ZDHHC14: variants seen among roughly 807,000 people sequenced by gnomAD.
ZDHHC14 encodes the protein palmitoyltransferase ZDHHC14.
In ZDHHC14, 16 loss-of-function variants were observed where a neutral mutation model predicts 47.7. The observed-to-expected ratio is 0.34, with a 90% CI of 0.23 to 0.51. The LOEUF (loss-of-function observed/expected upper bound fraction) is 0.51, where lower values mean the gene tolerates loss of function less well. Among genes scored for constraint, ZDHHC14 ranks in the 20% least tolerant of loss-of-function variants. The pLI is 0.97. For synonymous variants in ZDHHC14, 293 were observed against 278.9 expected (o/e 1.05, Z -0.50); for missense variants, 515 against 662.5 (o/e 0.78, Z 2.44).
intron 1 of ZDHHC14, among the ~76,000 whole-genome samples, chr6:157,520,990 T>G (rs1043253164): frequency 2.6e-5 from 4 of 152,244 alleles, no homozygotes; most frequent in African/African-American, 9.6e-5. Flanking sequence ...AAAAACACTT[T>G]TATATCATAT....
At chr6:157,651,904 T>C (rs950883329) in intron 7 of ZDHHC14, among the ~76,000 whole-genome samples, 1 of 145,146 alleles carries the variant, frequency 6.9e-6, no homozygotes, top group Non-Finnish European at 1.5e-5. Flanking sequence ...CTCTCTCCCA[T>C]GAGATCCACA....
In ZDHHC14 at chr6:157,618,629, G is replaced by A. The variant is rs984814572; in HGVS notation, c.566-9720G>A. Among the ~76,000 whole-genome samples, 6 of 152,086 alleles carry A rather than the reference G, an allele frequency of 3.9e-5. No homozygotes were observed. In the East Asian group the frequency reaches 7.7e-4, roughly 20 times the overall value. ...GAGCCCCCGCGCCCGGCCACATGAC[G>A]GATTTTACCATGGTGACGCAGAGCC... On this transcript the variant is annotated intron_variant, in intron 3 of 8. Coordinates refer to ENST00000359775, the MANE Select transcript of ZDHHC14 (RefSeq NM_024630.3).
At chr6:157,541,056 T>C (rs1181953889) in intron 1 of ZDHHC14, among the ~76,000 whole-genome samples, 1 of 151,930 alleles carries the variant, frequency 6.6e-6, no homozygotes, top group Non-Finnish European at 1.5e-5. Flanking sequence ...ACAAAGAACA[T>C]CCATTCACCC....
At chr6:157,499,183 T>G (rs1780138118) in intron 1 of ZDHHC14, among the ~76,000 whole-genome samples, 1 of 152,208 alleles carries the variant, frequency 6.6e-6, no homozygotes, top group East Asian at 1.9e-4. Context: ...GCACTGCTGT[T>G]TCATCTTTTG....
At chr6:157,460,405 GAAAAAAAAAAAAAAAAA>G (rs1164382844) in intron 1 of ZDHHC14, among the ~76,000 whole-genome samples, 54 of 43,388 alleles carry the variant, frequency 1.2e-3, no homozygotes, top group African/African-American at 4.7e-3. Flanking sequence ...TCTCTCTCTG[GAAAAAAAAAAAAAAAAA>G]AAAAAAAAAA....
intron 2 of ZDHHC14, among the ~76,000 whole-genome samples, chr6:157,585,149 G>A (rs1783643060): frequency 6.6e-6 from 1 of 152,144 alleles, no homozygotes. Context: ...AGAGGTTGCA[G>A]TGAGCCGAGA....
intron 1 of ZDHHC14, among the ~76,000 whole-genome samples, chr6:157,527,598 C>T (rs746044062): frequency 2.0e-5 from 3 of 152,168 alleles, no homozygotes; most frequent in Admixed American, 2.0e-4. Flanking sequence ...ACTACAGTCA[C>T]GAGGTTTTGC....
At chr6:157,503,875 G>T (rs1184217833) in intron 1 of ZDHHC14, among the ~76,000 whole-genome samples, 1 of 152,082 alleles carries the variant, frequency 6.6e-6, no homozygotes, top group Non-Finnish European at 1.5e-5. Flanking sequence ...AAGGCTCGTG[G>T]GAGTGTAATT....
chr6:157,556,941 G>A (rs1026537818), intron 2 of ZDHHC14, among the ~76,000 whole-genome samples: 7 of 152,160 alleles, frequency 4.6e-5, no homozygotes, highest in Non-Finnish European at 5.9e-5. Flanking sequence ...TAGAGATGAG[G>A]CCAGGCCTGT....
At chr6:157,592,178 G>C (rs912859305) in intron 2 of ZDHHC14, among the ~76,000 whole-genome samples, 3 of 151,928 alleles carry the variant, frequency 2.0e-5, no homozygotes, top group African/African-American at 7.2e-5. Flanking sequence ...CACCTTGGGG[G>C]AGTTTTAAAA....
chr6:157,514,716 T>C (rs1780618018), intron 1 of ZDHHC14, among the ~76,000 whole-genome samples: 1 of 152,232 alleles, frequency 6.6e-6, no homozygotes, highest in African/African-American at 2.4e-5. Context: ...AAAGCTTCAC[T>C]GGCCTTGACC....
rs140555767 is a variant in ZDHHC14, at chr6:157,617,602, T to A, written c.566-10747T>A. ...ACAACTTTCTCACCATGTATACATG[T>A]AGTCAGAAGGTTTTGAAGAGCCTGA... On this transcript the variant is annotated intron_variant, in intron 3 of 8. Coordinates refer to ENST00000359775, the MANE Select transcript of ZDHHC14 (RefSeq NM_024630.3). 7.7e-3 allele frequency among the ~76,000 whole-genome samples: 1,176 copies of A among 152,288 alleles called. 14 individuals carry two copies. The highest frequency in any genetic ancestry group is 0.026 in the African/African-American group (1,101 of 41,556).
chr6:157,485,199 T>A (rs1779748604), intron 1 of ZDHHC14, among the ~76,000 whole-genome samples: 1 of 152,222 alleles, frequency 6.6e-6, no homozygotes, highest in African/African-American at 2.4e-5. Flanking sequence ...GCCTGATCAC[T>A]CGTGAACTTG....
intron 1 of ZDHHC14, among the ~76,000 whole-genome samples, chr6:157,412,708 T>G (rs1777894640): frequency 6.6e-6 from 1 of 152,030 alleles, no homozygotes; most frequent in South Asian, 2.1e-4. Context: ...GAATGAGGAG[T>G]AATAAGCACA....
chr6:157,499,767 T>C (rs1044542904), intron 1 of ZDHHC14, among the ~76,000 whole-genome samples: 2 of 152,242 alleles, frequency 1.3e-5, no homozygotes, highest in Non-Finnish European at 2.9e-5. Context: ...CATAATGGTC[T>C]AAAATATTTC....
chr6:157,496,987 G>T (rs137891131), intron 1 of ZDHHC14, among the ~76,000 whole-genome samples: 1 of 152,162 alleles, frequency 6.6e-6, no homozygotes, highest in Non-Finnish European at 1.5e-5. Context: ...TAGAGGTAGG[G>T]TGGTGTAGCA....
At chr6:157,492,955 A>G (rs1231442875) in intron 1 of ZDHHC14, among the ~76,000 whole-genome samples, 1 of 152,080 alleles carries the variant, frequency 6.6e-6, no homozygotes, top group Non-Finnish European at 1.5e-5. Context: ...ATACAAGGAG[A>G]TAAGATATTA....
intron 1 of ZDHHC14, among the ~76,000 whole-genome samples, chr6:157,522,614 A>T (rs1246391873): frequency 1.3e-5 from 2 of 151,910 alleles, no homozygotes; most frequent in Non-Finnish European, 2.9e-5. Flanking sequence ...AAACTACAAG[A>T]CCCATTTTTA....
At chr6:157,627,530 T>G (rs768540833) in intron 3 of ZDHHC14, among the ~76,000 whole-genome samples, 13 of 152,218 alleles carry the variant, frequency 8.5e-5, no homozygotes, top group Non-Finnish European at 1.8e-4. Flanking sequence ...AGACTTTGTG[T>G]GCAGATGTCC....
Sources: allele counts gnomAD v4.1 joint callset (sites outside exome capture counted in the v4.1 genomes callset), GRCh38; gene constraint gnomAD v4.1.1; transcripts MANE v1.5; gene names NCBI Gene and HGNC (gene_info 2026-07-23, HGNC 2026-07-21).